Variants in ASIC2 observed in about 807,000 individuals in gnomAD.
The protein encoded by ASIC2 is acid-sensing ion channel 2.
Under a neutral mutation model 57.3 loss-of-function variants are expected in ASIC2, and 25 were observed. That is an observed-to-expected ratio of 0.44 (90% CI 0.32 to 0.61). ASIC2 has a LOEUF of 0.61. ASIC2 is among the 20% of genes least tolerant of loss of function. The pLI is 0.06. For synonymous variants in ASIC2, 319 were observed against 307.5 expected, an observed-to-expected ratio of 1.04 and a Z score of -0.39; for missense variants, 641 against 738.1, an observed-to-expected ratio of 0.87 and a Z score of 1.52.
chr17:33,116,741 C>T (rs1432546139), intron 1 of ASIC2, among the ~76,000 whole-genome samples: 2 of 152,170 alleles, frequency 1.3e-5, no homozygotes, highest in African/African-American at 4.8e-5. Context: ...ATTGCATATA[C>T]ATAGAACTTC....
intron 1 of ASIC2, among the ~76,000 whole-genome samples, chr17:34,093,709 C>G (rs1172836662): frequency 6.6e-6 from 1 of 152,136 alleles, no homozygotes; most frequent in Non-Finnish European, 1.5e-5. Context: ...GTCTTCAGTC[C>G]CCCACCATGG....
chr17:34,025,076 A>G (rs919831127), intron 1 of ASIC2, among the ~76,000 whole-genome samples: 6 of 152,186 alleles, frequency 3.9e-5, no homozygotes, highest in African/African-American at 1.4e-4. Flanking sequence ...ACATAAAGGA[A>G]GCAACACTGC....
intron 1 of ASIC2, chr17:34,039,109 A>G (rs1908000792): frequency 6.2e-7 from 1 of 1,613,928 alleles, no homozygotes; most frequent in African/African-American, 1.3e-5. Context: ...TTTCTCTAGC[A>G]TCTTTTGCTG....
At chr17:34,004,509 T>C (rs1906459548) in intron 1 of ASIC2, 1 of 152,180 alleles carries the variant, frequency 6.6e-6, no homozygotes, top group African/African-American at 2.4e-5. Context: ...AGTTCCCTCC[T>C]CCAAAGGAGG....
chr17:33,518,023 G>A (rs1914627358), intron 1 of ASIC2, among the ~76,000 whole-genome samples: 1 of 152,176 alleles, frequency 6.6e-6, no homozygotes, highest in Non-Finnish European at 1.5e-5. Flanking sequence ...ACCCAGTCCT[G>A]ATCCCAGCCT....
intron 1 of ASIC2, among the ~76,000 whole-genome samples, chr17:33,940,088 T>C (rs976016877): frequency 2.0e-5 from 3 of 152,164 alleles, no homozygotes; most frequent in African/African-American, 7.2e-5. Context: ...AGGAGAGCAA[T>C]ACGCTACTCT....
intron 2 of ASIC2, among the ~76,000 whole-genome samples, chr17:33,092,410 G>A (rs949289679): frequency 1.3e-5 from 2 of 152,230 alleles, no homozygotes; most frequent in African/African-American, 4.8e-5. Flanking sequence ...AATGTAGACT[G>A]TTAGAGCCAA....
chr17:33,430,278 A>G (rs539068007), intron 1 of ASIC2, among the ~76,000 whole-genome samples: 1 of 152,242 alleles, frequency 6.6e-6, no homozygotes, highest in African/African-American at 2.4e-5. Context: ...CAAGGGTTTT[A>G]TGGGACCAGG....
chr17:33,222,329 G>C (rs1456274442), intron 1 of ASIC2, among the ~76,000 whole-genome samples: 1 of 152,174 alleles, frequency 6.6e-6, no homozygotes, highest in Non-Finnish European at 1.5e-5. Flanking sequence ...AGACACAAAA[G>C]GTCACAGGTT....
intron 1 of ASIC2, among the ~76,000 whole-genome samples, chr17:33,269,255 T>C (rs1360601663): frequency 6.6e-6 from 1 of 152,206 alleles, no homozygotes; most frequent in African/African-American, 2.4e-5. Context: ...TGATGGAGGC[T>C]TGCAGACTTT....
At chr17:34,000,577 T>A (rs1037709386) in intron 1 of ASIC2, among the ~76,000 whole-genome samples, 8 of 152,140 alleles carry the variant, frequency 5.3e-5, no homozygotes, top group Non-Finnish European at 1.2e-4. Context: ...ATTTAATCTA[T>A]CTGGAGTTCT....
rs193206606 is a variant in ASIC2, at chr17:33,460,627, T to C, written c.556-348560A>G. On this transcript the variant is annotated intron_variant, in intron 1 of 9. Transcript: ENST00000359872. ...TTTAGTCTCATCAACAAAGGAATGC[T>C]TTCTGTTTCAAAATGACAGATTCTG... 5.9e-5 allele frequency among the ~76,000 whole-genome samples: 9 copies of C among 152,348 alleles called. No individual in the cohort carries two copies. In the East Asian group the frequency reaches 1.5e-3, roughly 26 times the overall value.
In ASIC2 at chr17:33,933,710, T is replaced by C. The variant is rs34094636; in HGVS notation, c.555+222268A>G. On this transcript the variant is annotated intron_variant, in intron 1 of 9. Transcript: ENST00000359872. ...ACTCTGACTTGCTCTGGACATTTCC[T>C]GTGGGAAACAGATGTCAGGATTAAA... is the stretch of plus-strand genomic sequence containing the variant. Among the ~76,000 whole-genome samples the C allele has an allele frequency of 4.7e-3, 722 of 152,356 alleles. 7 individuals are homozygous for C. The highest frequency in any genetic ancestry group is 0.017 in the African/African-American group (687 of 41,586).
At chr17:33,166,802 G>A (rs531117738) in intron 1 of ASIC2, among the ~76,000 whole-genome samples, 7 of 152,348 alleles carry the variant, frequency 4.6e-5, no homozygotes, top group African/African-American at 1.2e-4. Flanking sequence ...TGGCTTTGCC[G>A]AATGCATCTC....
At chr17:33,081,367 T>C (rs1264824427) in intron 3 of ASIC2, among the ~76,000 whole-genome samples, 1 of 152,232 alleles carries the variant, frequency 6.6e-6, no homozygotes, top group East Asian at 1.9e-4. Context: ...TTGATTCTTA[T>C]TCTTGGGCTA....
At chr17:33,755,622 A>G (rs1020123233) in intron 1 of ASIC2, among the ~76,000 whole-genome samples, 4 of 152,210 alleles carry the variant, frequency 2.6e-5, no homozygotes, top group Non-Finnish European at 5.9e-5. Context: ...AACAAAATCT[A>G]CCAAACACTG....
chr17:33,068,529 C>CAAAACAA (rs1486828426), intron 3 of ASIC2, among the ~76,000 whole-genome samples: 2 of 10,176 alleles, frequency 2.0e-4, no homozygotes, highest in Non-Finnish European at 4.6e-4. Context: ...AACTCCATCT[C>CAAAACAA]AAAACAAAAC....
chr17:34,028,455 A>G lies in ASIC2; in HGVS notation c.555+127523T>C, dbSNP rs182214766. Among the ~76,000 whole-genome samples, 86 of 152,294 alleles carry G rather than the reference A, an allele frequency of 5.6e-4. 1 individual carries two copies. The highest frequency in any genetic ancestry group is 9.7e-4 in the Non-Finnish European group (66 of 68,026). On this transcript the variant is annotated intron_variant, in intron 1 of 9. Transcript: ENST00000359872. ...TGGTTGACACAAACCTGAGCTCCAC[A>G]CTCAAATGAGTGTGTAGTCTGGTTG...
intron 1 of ASIC2, among the ~76,000 whole-genome samples, chr17:33,520,697 C>A (rs1464739691): frequency 6.6e-6 from 1 of 152,238 alleles, no homozygotes; most frequent in Non-Finnish European, 1.5e-5. Flanking sequence ...GGTGGAGGAG[C>A]AAGTGAGCGG....
Sources: gnomAD v4.1 joint callset for allele counts (sites outside exome capture counted in the v4.1 genomes callset) on GRCh38, gnomAD v4.1.1 for gene constraint, MANE v1.5 for transcripts, NCBI Gene and HGNC (gene_info 2026-07-23, HGNC 2026-07-21) for gene names.